The following PSMD14 variants were observed in gnomAD, a reference collection of about 807,000 sequenced individuals.
PSMD14 encodes the protein ubiquitin C-terminal hydrolase PSMD14.
In PSMD14, 7 loss-of-function variants were observed where a neutral mutation model predicts 41.2. That is an observed-to-expected ratio of 0.17 (90% CI 0.10 to 0.32). The LOEUF (loss-of-function observed/expected upper bound fraction) is 0.32, where lower values mean the gene tolerates loss of function less well. Ranked by LOEUF, PSMD14 falls within the 10% of genes least tolerant of loss-of-function variation. The pLI is 1.00. For missense variants in PSMD14, 139 were observed against 375.6 expected (o/e 0.37, Z 5.21); for synonymous variants, 114 against 122.3 (o/e 0.93, Z 0.45).
intron 3 of PSMD14, among the ~76,000 whole-genome samples, chr2:161,366,104 T>G (rs556510418): frequency 6.6e-6 from 1 of 152,266 alleles, no homozygotes; most frequent in South Asian, 2.1e-4. Flanking sequence ...TTACTTTACT[T>G]TAGCAGAGTT....
chr2:161,341,039 C>T (rs1292171380), intron 3 of PSMD14: 7 of 1,603,466 alleles, frequency 4.4e-6, no homozygotes, highest in Non-Finnish European at 4.2e-6. Context: ...CCGCGGGATC[C>T]CCTGGCCCTT....
At chr2:161,394,694 T>G (rs1165961616) in intron 9 of PSMD14, among the ~76,000 whole-genome samples, 2 of 152,152 alleles carry the variant, frequency 1.3e-5, no homozygotes, top group Non-Finnish European at 2.9e-5. Flanking sequence ...AAACAAAAAT[T>G]TCAGGTCTTT....
intron 3 of PSMD14, among the ~76,000 whole-genome samples, chr2:161,330,039 G>A (rs1682762088): frequency 6.6e-6 from 1 of 152,054 alleles, no homozygotes; most frequent in Admixed American, 6.5e-5. Flanking sequence ...TCTTTTGAGA[G>A]GAAAGGTCTT....
At chr2:161,347,048 T>A (rs1369618455) in intron 3 of PSMD14, among the ~76,000 whole-genome samples, 1 of 152,124 alleles carries the variant, frequency 6.6e-6, no homozygotes, top group Non-Finnish European at 1.5e-5. Flanking sequence ...TCATCTCAAC[T>A]CAGAGAGTCT....
intron 3 of PSMD14, among the ~76,000 whole-genome samples, chr2:161,335,601 A>G (rs1682857078): frequency 6.6e-6 from 1 of 152,214 alleles, no homozygotes; most frequent in Non-Finnish European, 1.5e-5. Context: ...TAGACAAACC[A>G]TGATTTACTT....
chr2:161,327,146 A>C (rs1682711528), intron 3 of PSMD14, among the ~76,000 whole-genome samples: 1 of 152,220 alleles, frequency 6.6e-6, no homozygotes, highest in Admixed American at 6.5e-5. Context: ...TTCCACTTAC[A>C]TGAGGTACCT....
intron 3 of PSMD14, chr2:161,341,257 A>G: frequency 8.9e-6 from 9 of 1,007,626 alleles, no homozygotes; most frequent in Non-Finnish European, 1.1e-5. Context: ...ACCAGTAGCC[A>G]GGCGAGCAGA....
chr2:161,357,088 T>TTTTTTTTTTTTTTTTTTTTTTC, intron 3 of PSMD14, among the ~76,000 whole-genome samples: 1 of 150,258 alleles, frequency 6.7e-6, no homozygotes, highest in Non-Finnish European at 1.5e-5. Flanking sequence ...TTTTTTTTTT[T>TTTTTTTTTTTTTTTTTTTTTTC]AGCACTTAGT....
intron 7 of PSMD14, among the ~76,000 whole-genome samples, chr2:161,372,103 A>G (rs188473278): frequency 3.9e-5 from 6 of 152,062 alleles, no homozygotes; most frequent in African/African-American, 7.2e-5. Flanking sequence ...ATTTTGCTCA[A>G]CCACAGGGAG....
chr2:161,375,291 A>G (rs553327667), intron 7 of PSMD14, among the ~76,000 whole-genome samples: 2 of 152,158 alleles, frequency 1.3e-5, no homozygotes, highest in South Asian at 2.1e-4. Context: ...GATAACCTAC[A>G]TTGCATACTG....
intron 1 of PSMD14, among the ~76,000 whole-genome samples, chr2:161,314,312 CTGAG>C (rs1389135169): frequency 2.0e-5 from 3 of 152,152 alleles, no homozygotes; most frequent in African/African-American, 7.2e-5. Context: ...GAATAAGTAA[CTGAG>C]TAAGAATGTC....
In PSMD14 at chr2:161,411,334, T is replaced by C. The variant is rs1180238217; in HGVS notation, c.867T>C (p.Asp289=). ...DPKRHLEEHV[D]VLMTSNIVQC... ...AACGTCATTTGGAGGAACATGTGGA[T>C]GTACTTATGACCTCAAATATTGTCC... is the stretch of plus-strand genomic sequence containing the variant. Residue 289 remains aspartate (D), a synonymous_variant, in exon 12 of 12, where the codon GAT becomes GAC. Transcript: ENST00000409682. The C allele has an allele frequency of 4.3e-6, 7 of 1,610,190 alleles. No homozygotes were observed. The African/African-American group carries it at 9.4e-5, about 22-fold the overall frequency.
chr2:161,365,355 A>C (rs1683344652), intron 3 of PSMD14, among the ~76,000 whole-genome samples: 4 of 152,062 alleles, frequency 2.6e-5, no homozygotes, highest in African/African-American at 9.7e-5. Flanking sequence ...TCATTCTTTC[A>C]ATCAGTACTT....
In PSMD14 at chr2:161,382,643, A is replaced by G. The variant is rs141588450; in HGVS notation, c.463-2821A>G. 3.3e-5 allele frequency: 5 copies of G among 151,930 alleles called. No homozygotes were observed. In the East Asian group the frequency reaches 7.8e-4, roughly 24 times the overall value. The allele number at this position is 151,930 out of a possible 1,614,324, so 9.4% of individuals were successfully genotyped here. On this transcript the variant is annotated intron_variant, in intron 7 of 11. Transcript: ENST00000409682. The stretch of plus-strand genomic sequence containing the variant: ...GTATTGTGTAGGCCTTCAGCATGGA[A>G]AGGAATTTTTCAAAGTCTAGCATCA...
intron 7 of PSMD14, among the ~76,000 whole-genome samples, chr2:161,377,468 T>A (rs1683518938): frequency 6.6e-6 from 1 of 151,966 alleles, no homozygotes; most frequent in African/African-American, 2.4e-5. Flanking sequence ...TTATAGGTAC[T>A]AATTTGCCTA....
chr2:161,310,846 C>T (rs1367063325), intron 1 of PSMD14, among the ~76,000 whole-genome samples: 5 of 152,260 alleles, frequency 3.3e-5, no homozygotes, highest in Middle Eastern at 3.4e-3. Flanking sequence ...TGTCCTTTCC[C>T]TTTACATATT....
At chr2:161,310,637 A>G (rs1689077374) in intron 1 of PSMD14, among the ~76,000 whole-genome samples, 1 of 152,240 alleles carries the variant, frequency 6.6e-6, no homozygotes. Context: ...TTTATTGAGT[A>G]CCTTGGATGT....
chr2:161,312,104 C>T (rs1303488507), intron 1 of PSMD14, among the ~76,000 whole-genome samples: 2 of 150,652 alleles, frequency 1.3e-5, no homozygotes, highest in African/African-American at 2.4e-5. Context: ...ATAACAAATA[C>T]GGAGTAGCTT....
chr2:161,400,898 T>C (rs1683869692), intron 10 of PSMD14, among the ~76,000 whole-genome samples: 1 of 151,564 alleles, frequency 6.6e-6, no homozygotes, highest in African/African-American at 2.4e-5. Context: ...GCATAAAATA[T>C]AGGAGACACT....
Sources: gnomAD v4.1 joint callset for allele counts (sites outside exome capture counted in the v4.1 genomes callset) on GRCh38, gnomAD v4.1.1 for gene constraint, MANE v1.5 for transcripts, NCBI Gene and HGNC (gene_info 2026-07-23, HGNC 2026-07-21) for gene names.